The following TARBP1 variants were observed in gnomAD, a reference collection of about 807,000 sequenced individuals.
TARBP1 encodes tRNA (guanosine(18)-2'-O)-methyltransferase TARBP1.
A neutral mutation model predicts 178.6 loss-of-function variants in TARBP1; 144 were observed. That is an observed-to-expected ratio of 0.81 (90% CI 0.70 to 0.93). TARBP1 has a LOEUF of 0.93. TARBP1 is among the 40% of genes least tolerant of loss of function. TARBP1 has a pLI of 0.00. For missense variants in TARBP1, 2,067 were observed against 2,011.7 expected (o/e 1.03, Z -0.53); for synonymous variants, 787 against 781.0 (o/e 1.01, Z -0.13).
At position 234,391,549 on chromosome 1, in the gene TARBP1, G is replaced by A; in HGVS notation, c.*28C>T. On this transcript the variant is annotated 3_prime_UTR_variant, in exon 30 of 30. Coordinates refer to ENST00000040877, the MANE Select transcript of TARBP1 (RefSeq NM_005646.4). ...AGTTTTTTTTAAAAAAGTCTGAACA[G>A]CAGCAGCAGTTCACTAAGGAAGGCA... The A allele has an allele frequency of 6.4e-7, 1 of 1,563,808 alleles. No individual in the cohort carries two copies. The highest frequency in any genetic ancestry group is 8.7e-7 in the Non-Finnish European group (1 of 1,150,974).
At chr1:234,477,417 C>T (rs1221100190) in intron 1 of TARBP1, among the ~76,000 whole-genome samples, 1 of 152,108 alleles carries the variant, frequency 6.6e-6, no homozygotes, top group Non-Finnish European at 1.5e-5. Context: ...GGTCAGCTAC[C>T]GTTGAAAAAG....
intron 14 of TARBP1, among the ~76,000 whole-genome samples, chr1:234,431,180 T>C (rs969886315): frequency 2.0e-5 from 3 of 152,194 alleles, no homozygotes; most frequent in Non-Finnish European, 4.4e-5. Context: ...AAATTTCTAC[T>C]TATTCCATAC....
intron 5 of TARBP1, 128 bp downstream of exon 5, chr1:234,465,528 C>G (rs866969159): frequency 9.5e-6 from 7 of 735,380 alleles, no homozygotes; most frequent in Middle Eastern, 4.3e-4. Context: ...AAAAGGACCA[C>G]ATGATAAGAA....
At chr1:234,412,118 C>G (rs1661887491) in intron 22 of TARBP1, among the ~76,000 whole-genome samples, 1 of 152,152 alleles carries the variant, frequency 6.6e-6, no homozygotes. Context: ...GGGGAGGTAA[C>G]TTCCTTTAAG....
Position 234,478,363 on chromosome 1 carries a change from G to C in TARBP1, c.741C>G (p.Asp247Glu). Residue 247 changes from aspartate (D) to glutamate (E), a missense_variant, in exon 1 of 30, where the codon GAC (aspartate) becomes GAG (glutamate). Asp to Glu is a conservative substitution (Grantham distance 45). Coordinates refer to ENST00000040877, the MANE Select transcript of TARBP1 (RefSeq NM_005646.4). ...AEKLLPEPGG[D>E]RARGAREAGP... The stretch of plus-strand genomic sequence containing the variant: ...CCGCCTCGCGCGCGCCGCGGGCGCG[G>C]TCGCCGCCGGGCTCGGGCAACAGCT... The C allele has an allele frequency of 7.9e-7, 1 of 1,270,980 alleles. No individual in the cohort carries two copies. Among genetic ancestry groups the C allele is most frequent in the Non-Finnish European group, 9.9e-7 (1 of 1,012,578 alleles). 78.7% of individuals were successfully genotyped at this position (1,270,980 alleles called of 1,614,324 possible).
Position 234,478,994 on chromosome 1 carries a change from C to T in TARBP1, c.110G>A (p.Arg37His), listed in dbSNP as rs1485840883. The T allele has an allele frequency of 3.3e-6, 5 of 1,498,420 alleles. No individual in the cohort carries two copies. The highest frequency in any genetic ancestry group is 3.5e-6 in the Non-Finnish European group (4 of 1,134,580). The allele number at this position is 1,498,420 out of a possible 1,614,324, so 92.8% of individuals were successfully genotyped here. The change falls in exon 1 of 30, where the codon CGC (arginine) becomes CAC (histidine). Residue 37 changes from arginine to histidine, a missense_variant. By Grantham distance (29) the Arg-to-His change is conservative. Transcript: ENST00000040877. The stretch of plus-strand genomic sequence containing the variant: ...GTCCTCGAGCCGCTGCAGAAGGAAG[C>T]GCAGCGTCTCCACGCGCTCCGCGGA... The part of the protein sequence containing the change: ...EASAERVETL[R>H]FLLQRLEDEE...
chr1:234,476,983 T>G (rs1669623549), intron 1 of TARBP1, among the ~76,000 whole-genome samples: 2 of 152,162 alleles, frequency 1.3e-5, no homozygotes, highest in Non-Finnish European at 2.9e-5. Context: ...GTGAGGAGTT[T>G]GAGGCCAGCC....
Position 234,419,098 on chromosome 1 carries a change from G to A in TARBP1, c.3556-865C>T, listed in dbSNP as rs961454372. 1.2e-4 allele frequency among the ~76,000 whole-genome samples: 18 copies of A among 152,014 alleles called. 1 individual carries two copies. In the East Asian group the frequency reaches 3.5e-3, roughly 29 times the overall value. On this transcript the variant is annotated intron_variant, in intron 21 of 29. Coordinates refer to ENST00000040877, the MANE Select transcript of TARBP1 (RefSeq NM_005646.4). ...GAGGCAGGAGAATGGCGTGAACCCT[G>A]GGGGGCGGAGCCTGCAGTGAGCCGA...
intron 23 of TARBP1, among the ~76,000 whole-genome samples, chr1:234,408,763 A>T (rs1354822983): frequency 6.6e-6 from 1 of 151,968 alleles, no homozygotes; most frequent in East Asian, 1.9e-4. Flanking sequence ...CCACCAAATT[A>T]TCCTTAAAAA....
intron 24 of TARBP1, among the ~76,000 whole-genome samples, chr1:234,402,802 T>C (rs1660832727): frequency 6.6e-6 from 1 of 152,110 alleles, no homozygotes; most frequent in Non-Finnish European, 1.5e-5. Flanking sequence ...CCCAGGCTGA[T>C]CTTGAACTCC....
chr1:234,461,683 T>C (rs774239777), intron 6 of TARBP1, among the ~76,000 whole-genome samples: 1 of 152,232 alleles, frequency 6.6e-6, no homozygotes, highest in Non-Finnish European at 1.5e-5. Context: ...ATAGGAAGTA[T>C]TGATGGTTAG....
intron 3 of TARBP1, among the ~76,000 whole-genome samples, chr1:234,469,093 G>GAAAAAAAAAAAAAAAAAAAAACA (rs1668791000): frequency 1.0e-5 from 1 of 98,224 alleles, no homozygotes; most frequent in East Asian, 3.0e-4. Context: ...AAAAAAAAAG[G>GAAAAAAAAAAAAAAAAAAAAACA]CAAAAACCGC....
At position 234,479,157 on chromosome 1, in the gene TARBP1, T is replaced by G; in HGVS notation, c.-54A>C. Reference sequence around the variant, plus strand: ...GCTCCCAAAGGAAGGCGCCGGCGTGTGCGATGCGTGCGCACAGGACCGGCC... The same window carrying G: ...GCTCCCAAAGGAAGGCGCCGGCGTGGGCGATGCGTGCGCACAGGACCGGCC... On this transcript the variant is annotated 5_prime_UTR_variant, in exon 1 of 30. Coordinates refer to ENST00000040877, the MANE Select transcript of TARBP1 (RefSeq NM_005646.4). 6.9e-7 allele frequency: 1 copy of G among 1,438,918 alleles called. No homozygotes were observed. Among genetic ancestry groups the G allele is most frequent in the Non-Finnish European group, 9.0e-7 (1 of 1,106,174 alleles). The allele number at this position is 1,438,918 out of a possible 1,614,324, so 89.1% of individuals were successfully genotyped here.
Position 234,391,489 on chromosome 1 carries a change from C to T in TARBP1, c.*88G>A, listed in dbSNP as rs1200505408. 9 of 1,361,730 alleles carry T rather than the reference C, an allele frequency of 6.6e-6. No individual in the cohort carries two copies. Among genetic ancestry groups the T allele is most frequent in the South Asian group, 1.7e-5 (1 of 58,632 alleles). 84.4% of individuals were successfully genotyped at this position (1,361,730 alleles called of 1,614,324 possible). A position where few individuals can be genotyped will look rare whatever the true frequency, so the allele number is the denominator to read the frequency against. On this transcript the variant is annotated 3_prime_UTR_variant, in exon 30 of 30. Coordinates refer to ENST00000040877, the MANE Select transcript of TARBP1 (RefSeq NM_005646.4). ...AAGAAAAAAGAAATACAAATTATCACAATAAATTTCAGAATCTGTTTCTTT... is the reference window on the plus strand; with the variant it reads ...AAGAAAAAAGAAATACAAATTATCATAATAAATTTCAGAATCTGTTTCTTT...
At chr1:234,408,587 C>T (rs1661499064) in intron 23 of TARBP1, among the ~76,000 whole-genome samples, 1 of 152,080 alleles carries the variant, frequency 6.6e-6, no homozygotes, top group South Asian at 2.1e-4. Flanking sequence ...TTTTGCAGAC[C>T]TGCACTCGAC....
intron 13 of TARBP1, among the ~76,000 whole-genome samples, chr1:234,434,363 G>C (rs1446810785): frequency 1.3e-5 from 2 of 152,212 alleles, no homozygotes; most frequent in African/African-American, 2.4e-5. Flanking sequence ...CACACAGGAA[G>C]TAATTTAATC....
chr1:234,476,252 A>G (rs1338653601), intron 1 of TARBP1, among the ~76,000 whole-genome samples: 1 of 152,244 alleles, frequency 6.6e-6, no homozygotes, highest in African/African-American at 2.4e-5. Flanking sequence ...ATAAAGGAGC[A>G]TTTGATGGAA....
At chr1:234,471,150 T>C (rs1398255515) in intron 3 of TARBP1, 38 bp downstream of exon 3, 4 of 1,460,524 alleles carry the variant, frequency 2.7e-6, no homozygotes, top group Non-Finnish European at 3.7e-6. Context: ...GGGAAAACCA[T>C]AAATGTTATT....
intron 22 of TARBP1, among the ~76,000 whole-genome samples, chr1:234,412,372 A>C (rs906727103): frequency 4.7e-5 from 7 of 150,314 alleles, no homozygotes; most frequent in African/African-American, 1.7e-4. Flanking sequence ...CAGTGAGCCG[A>C]GATCACACCA....
Sources: allele counts gnomAD v4.1 joint callset (sites outside exome capture counted in the v4.1 genomes callset), GRCh38; gene constraint gnomAD v4.1.1; transcripts MANE v1.5; gene names NCBI Gene and HGNC (gene_info 2026-07-23, HGNC 2026-07-21).